The following MYT1L variants were observed in gnomAD, a reference collection of about 807,000 sequenced individuals.
MYT1L encodes myelin transcription factor 1-like protein.
Under a neutral mutation model 126.7 loss-of-function variants are expected in MYT1L, and 12 were observed. The observed-to-expected ratio is 0.09, with a 90% CI of 0.06 to 0.15. The LOEUF (loss-of-function observed/expected upper bound fraction) is 0.15. MYT1L is among the 10% of genes least tolerant of loss of function. MYT1L has a pLI of 1.00. For synonymous variants in MYT1L, 541 were observed against 604.2 expected (o/e 0.90, Z 1.53); for missense variants, 979 against 1,585.2 (o/e 0.62, Z 6.49).
chr2:1,866,702 G>T (rs1297378481), intron 18 of MYT1L, among the ~76,000 whole-genome samples: 1 of 86,270 alleles, frequency 1.2e-5, no homozygotes, highest in African/African-American at 5.2e-5. Context: ...AGAGGGAGAG[G>T]GAGGGAGAGA....
At position 1,796,551 on chromosome 2, in the gene MYT1L, T is replaced by C. The variant is rs573644226; in HGVS notation, c.3277-4087A>G. Among the ~76,000 whole-genome samples, 5 of 152,304 alleles carry C rather than the reference T, an allele frequency of 3.3e-5. No individual in the cohort carries two copies. In the East Asian group the frequency reaches 9.7e-4, roughly 29 times the overall value. On this transcript the variant is annotated intron_variant, in intron 23 of 24. Coordinates refer to ENST00000647738, the MANE Select transcript of MYT1L (RefSeq NM_001303052.2). ...TGTTCACTCTGGTCCATCTGGGCCC[T>C]CGCACCAGGAGCTGGGGGGTTTCTT...
intron 1 of MYT1L, among the ~76,000 whole-genome samples, chr2:2,296,097 C>G (rs1261676605): frequency 6.6e-6 from 1 of 152,122 alleles, no homozygotes; most frequent in Non-Finnish European, 1.5e-5. Flanking sequence ...CAATTTTATT[C>G]TATTTTTCAA....
At chr2:1,803,133 G>A (rs899252476) in intron 22 of MYT1L, among the ~76,000 whole-genome samples, 2 of 152,106 alleles carry the variant, frequency 1.3e-5, no homozygotes, top group African/African-American at 4.8e-5. Context: ...GGCCTTAGAT[G>A]CGGCTTTTAG....
intron 5 of MYT1L, among the ~76,000 whole-genome samples, chr2:1,989,470 G>C (rs2061312377): frequency 6.6e-6 from 1 of 152,116 alleles, no homozygotes; most frequent in Admixed American, 6.6e-5. Flanking sequence ...CATGGCACTT[G>C]GCACAGGGCA....
At chr2:1,851,835 C>A (rs761530157) in intron 18 of MYT1L, 132 bp from the exon 19 acceptor site, 1 of 824,222 alleles carries the variant, frequency 1.2e-6, no homozygotes, top group Non-Finnish European at 2.0e-6. Context: ...TGAGTGGAGC[C>A]GGAAGCTCCC....
intron 3 of MYT1L, among the ~76,000 whole-genome samples, chr2:2,109,568 A>C (rs974895673): frequency 9.2e-5 from 14 of 152,046 alleles, no homozygotes; most frequent in South Asian, 8.3e-4. Context: ...GGAAAAAAAA[A>C]CCACTGGTAT....
At chr2:2,189,481 A>C (rs1345646378) in intron 2 of MYT1L, among the ~76,000 whole-genome samples, 1 of 152,210 alleles carries the variant, frequency 6.6e-6, no homozygotes, top group Non-Finnish European at 1.5e-5. Context: ...ACATTTGCTA[A>C]ATGTGAAACA....
At chr2:2,045,016 T>C (rs1156390180) in intron 4 of MYT1L, among the ~76,000 whole-genome samples, 1 of 152,206 alleles carries the variant, frequency 6.6e-6, no homozygotes, top group Non-Finnish European at 1.5e-5. Context: ...ACCCTGTTTA[T>C]GGTCCATTTC....
Position 2,262,622 on chromosome 2 carries a change from G to A in MYT1L, c.-421+21782C>T, listed in dbSNP as rs186653202. 6.5e-3 allele frequency among the ~76,000 whole-genome samples: 976 copies of A among 149,738 alleles called. 12 individuals are homozygous for A. The highest frequency in any genetic ancestry group is 0.023 in the African/African-American group (934 of 40,590). On this transcript the variant is annotated intron_variant, in intron 2 of 24. Coordinates refer to ENST00000647738, the MANE Select transcript of MYT1L (RefSeq NM_001303052.2). ...GCAGCAGAATGGCATGAACCCAGGA[G>A]GCAGAGCTTGCAGTGAGCCAAGATC... is the stretch of plus-strand genomic sequence containing the variant.
chr2:2,005,245 G>GGCGTTCTTTCCTGAAT (rs1558707023), intron 4 of MYT1L, among the ~76,000 whole-genome samples: 1 of 127,898 alleles, frequency 7.8e-6, no homozygotes, highest in Non-Finnish European at 1.6e-5. Context: ...CTCTCCTGCA[G>GGCGTTCTTTCCTGAAT]GCGTTCTTTC....
chr2:2,098,757 G>A (rs1390430758), intron 3 of MYT1L, among the ~76,000 whole-genome samples: 4 of 152,228 alleles, frequency 2.6e-5, no homozygotes, highest in Non-Finnish European at 5.9e-5. Context: ...CTATGGTTGA[G>A]ATATTCAGTC....
intron 4 of MYT1L, among the ~76,000 whole-genome samples, chr2:2,006,397 T>A (rs1169998088): frequency 6.6e-6 from 1 of 152,168 alleles, no homozygotes; most frequent in Non-Finnish European, 1.5e-5. Context: ...TCTACTTAGT[T>A]AGCAAAGCCT....
At chr2:1,923,382 C>T in intron 9 of MYT1L, 119 bp from the exon 10 acceptor site, 1 of 841,792 alleles carries the variant, frequency 1.2e-6, no homozygotes, top group Non-Finnish European at 1.8e-6. Flanking sequence ...TCTATCATCT[C>T]ACAGAACTGT....
chr2:2,057,115 T>A (rs1002508731), intron 3 of MYT1L, among the ~76,000 whole-genome samples: 1 of 152,210 alleles, frequency 6.6e-6, no homozygotes, highest in Non-Finnish European at 1.5e-5. Flanking sequence ...ACTTCTCTTG[T>A]GTTCATATAT....
chr2:2,082,318 T>G (rs917184497), intron 3 of MYT1L, among the ~76,000 whole-genome samples: 2 of 152,184 alleles, frequency 1.3e-5, no homozygotes, highest in African/African-American at 4.8e-5. Context: ...GAACTAACAT[T>G]GTTTGAAGTT....
intron 18 of MYT1L, among the ~76,000 whole-genome samples, chr2:1,869,508 T>C (rs868195031): frequency 6.6e-6 from 1 of 152,074 alleles, no homozygotes; most frequent in African/African-American, 2.4e-5. Flanking sequence ...GAGATGGGAC[T>C]CCGTGCCCTA....
At chr2:1,894,936 G>A (rs2049389531) in intron 14 of MYT1L, among the ~76,000 whole-genome samples, 1 of 152,252 alleles carries the variant, frequency 6.6e-6, no homozygotes, top group South Asian at 2.1e-4. Flanking sequence ...CTGCTTCACA[G>A]ATGTGGAGAC....
At chr2:2,286,526 A>G (rs1423341524) in intron 1 of MYT1L, among the ~76,000 whole-genome samples, 1 of 152,210 alleles carries the variant, frequency 6.6e-6, no homozygotes. Context: ...AAAACATAGA[A>G]CCCATTAGTA....
At chr2:2,263,423 G>C (rs1036173699) in intron 2 of MYT1L, among the ~76,000 whole-genome samples, 2 of 152,100 alleles carry the variant, frequency 1.3e-5, no homozygotes, top group African/African-American at 4.8e-5. Context: ...CAATTCCAAT[G>C]CATAAATCAA....
Sources: allele counts gnomAD v4.1 joint callset (sites outside exome capture counted in the v4.1 genomes callset), GRCh38; gene constraint gnomAD v4.1.1; transcripts MANE v1.5; gene names NCBI Gene and HGNC (gene_info 2026-07-23, HGNC 2026-07-21).